The following ACTR2 variants were observed in gnomAD, a reference collection of about 807,000 sequenced individuals.
ACTR2 encodes actin related protein 2.
Under a neutral mutation model 50.2 loss-of-function variants are expected in ACTR2, and 5 were observed. The observed-to-expected ratio is 0.10, with a 90% CI of 0.05 to 0.21. The LOEUF (loss-of-function observed/expected upper bound fraction) is 0.21. Ranked by LOEUF, ACTR2 falls within the 10% of genes least tolerant of loss-of-function variation. ACTR2 has a pLI of 1.00. For synonymous variants in ACTR2, 140 were observed against 162.9 expected, an observed-to-expected ratio of 0.86 and a Z score of 1.07; for missense variants, 180 against 480.6, an observed-to-expected ratio of 0.37 and a Z score of 5.85.
intron 6 of ACTR2, among the ~76,000 whole-genome samples, chr2:65,256,474 CAGTAAT>C: frequency 6.6e-6 from 1 of 152,158 alleles, no homozygotes; most frequent in Admixed American, 6.5e-5. Context: ...TAAAATGAAA[CAGTAAT>C]AGGCAATGAA....
rs1445166425 is a variant in ACTR2, at chr2:65,237,611, G to A, written c.49-2241G>A. On this transcript the variant is annotated intron_variant, in intron 1 of 8. Coordinates refer to ENST00000260641, the MANE Select transcript of ACTR2 (RefSeq NM_005722.4). ...CATGTCTGTAATCCCAGCAACTCAG[G>A]AGGCTGAGACAGGAGGATCATTGGA... 1.3e-5 allele frequency among the ~76,000 whole-genome samples: 2 copies of A among 152,132 alleles called. 1 individual carries two copies. The highest frequency in any genetic ancestry group is 2.9e-5 in the Non-Finnish European group (2 of 68,016).
chr2:65,234,174 A>T (rs1671696203), intron 1 of ACTR2, among the ~76,000 whole-genome samples: 1 of 152,160 alleles, frequency 6.6e-6, no homozygotes, highest in Non-Finnish European at 1.5e-5. Context: ...GGCTTCCTAC[A>T]GTGCCAAGAT....
chr2:65,228,772 T>TA (rs1291240035), intron 1 of ACTR2, among the ~76,000 whole-genome samples: 1 of 152,172 alleles, frequency 6.6e-6, no homozygotes, highest in Non-Finnish European at 1.5e-5. Flanking sequence ...TCAAAAATTG[T>TA]AAAATCTGAC....
chr2:65,242,721 C>T, intron 2 of ACTR2: 1 of 464,826 alleles, frequency 2.2e-6, no homozygotes, highest in Non-Finnish European at 4.3e-6. Context: ...TAACTATAAG[C>T]TTGCTGGTCT....
chr2:65,253,887 G>T (rs746337748), intron 5 of ACTR2, 23 bp downstream of exon 5: 1 of 1,593,932 alleles, frequency 6.3e-7, no homozygotes, highest in South Asian at 1.1e-5. Context: ...AAAATATCAT[G>T]GAAATTAAAT....
At chr2:65,260,339 T>C (rs1672244718) in intron 6 of ACTR2, among the ~76,000 whole-genome samples, 1 of 152,182 alleles carries the variant, frequency 6.6e-6, no homozygotes, top group African/African-American at 2.4e-5. Context: ...AAACCCCGTC[T>C]TTACTAAAAA....
chr2:65,268,481 A>G, intron 8 of ACTR2, 83 bp from the exon 9 acceptor site: 1 of 1,223,866 alleles, frequency 8.2e-7, no homozygotes. Context: ...TTTGAGGGAG[A>G]GCATATATTT....
intron 7 of ACTR2, among the ~76,000 whole-genome samples, 182 bp from the exon 8 acceptor site, chr2:65,264,861 A>G (rs1274192433): frequency 1.3e-5 from 2 of 152,250 alleles, no homozygotes; most frequent in Non-Finnish European, 2.9e-5. Context: ...AAAAGATTTT[A>G]TATGTAAAGA....
Position 65,255,517 on chromosome 2 carries a change from T to C in ACTR2, c.586-28T>C, listed in dbSNP as rs1219250685. On this transcript the variant is annotated intron_variant, in intron 5 of 8. Coordinates refer to ENST00000260641, the MANE Select transcript of ACTR2 (RefSeq NM_005722.4). ...GAGTAGAACTCATTCAGATGTATTATGAACTTATTGCTATTGTTTTGTACC... is the reference window on the plus strand; with the variant it reads ...GAGTAGAACTCATTCAGATGTATTACGAACTTATTGCTATTGTTTTGTACC... The C allele has an allele frequency of 2.5e-6, 4 of 1,602,194 alleles. No individual in the cohort carries two copies. The African/African-American group carries it at 5.4e-5, about 21-fold the overall frequency.
intron 2 of ACTR2, among the ~76,000 whole-genome samples, chr2:65,244,296 G>C (rs1258698598): frequency 6.6e-6 from 1 of 151,944 alleles, no homozygotes; most frequent in Non-Finnish European, 1.5e-5. Context: ...TATCTAATCT[G>C]TTATCTTGTA....
intron 2 of ACTR2, among the ~76,000 whole-genome samples, chr2:65,244,480 T>TA (rs1228111302): frequency 1.3e-5 from 2 of 152,220 alleles, no homozygotes; most frequent in African/African-American, 4.8e-5. Flanking sequence ...ATATATATCA[T>TA]ACTGATTTAT....
intron 4 of ACTR2, among the ~76,000 whole-genome samples, chr2:65,251,610 C>G (rs1672052964): frequency 6.6e-6 from 1 of 152,172 alleles, no homozygotes; most frequent in Non-Finnish European, 1.5e-5. Flanking sequence ...GTCCGCCCGC[C>G]TCAGCCTCCT....
chr2:65,231,601 G>A (rs1329042840), intron 1 of ACTR2, among the ~76,000 whole-genome samples: 3 of 152,088 alleles, frequency 2.0e-5, no homozygotes, highest in Non-Finnish European at 2.9e-5. Context: ...TTGGGAGGCC[G>A]AGGTGAGAGG....
intron 6 of ACTR2, 88 bp from the exon 7 acceptor site, chr2:65,261,159 A>G: frequency 1.5e-6 from 2 of 1,340,664 alleles, no homozygotes; most frequent in Non-Finnish European, 2.1e-6. Flanking sequence ...GTTACAGAAC[A>G]GATGTATTTA....
intron 1 of ACTR2, among the ~76,000 whole-genome samples, chr2:65,230,915 G>A (rs922056028): frequency 4.6e-5 from 7 of 151,982 alleles, no homozygotes; most frequent in African/African-American, 1.7e-4. Context: ...TTAGCCGGGT[G>A]TGGTTTCTGA....
intron 2 of ACTR2, among the ~76,000 whole-genome samples, chr2:65,242,813 T>A (rs779106305): frequency 6.6e-6 from 1 of 152,216 alleles, no homozygotes; most frequent in Non-Finnish European, 1.5e-5. Flanking sequence ...AAGTTTGTTT[T>A]TAATATTGTT....
intron 2 of ACTR2, among the ~76,000 whole-genome samples, chr2:65,243,953 A>AT (rs781313839): frequency 1.3e-4 from 20 of 151,990 alleles, no homozygotes; most frequent in Non-Finnish European, 1.6e-4. Context: ...ACTTAGTAGG[A>AT]TTTTTTTATT....
chr2:65,243,023 G>C (rs894661630), intron 2 of ACTR2, among the ~76,000 whole-genome samples: 2 of 152,216 alleles, frequency 1.3e-5, no homozygotes, highest in Non-Finnish European at 2.9e-5. Flanking sequence ...GCTTGTGCCT[G>C]TACTCCCAGC....
chr2:65,254,159 T>C (rs114111294), intron 5 of ACTR2, among the ~76,000 whole-genome samples: 2,332 of 152,274 alleles, frequency 0.015, 71 homozygotes, highest in African/African-American at 0.053. Context: ...TAGACAGATA[T>C]TTCAAGGATA....
Sources: allele counts gnomAD v4.1 joint callset (sites outside exome capture counted in the v4.1 genomes callset), GRCh38; gene constraint gnomAD v4.1.1; transcripts MANE v1.5; gene names NCBI Gene and HGNC (gene_info 2026-07-23, HGNC 2026-07-21).